The following SFI1 variants were observed in gnomAD, a reference collection of about 807,000 sequenced individuals.
SFI1 encodes the protein SFI1 centrin binding protein.
Under a neutral mutation model 207.5 loss-of-function variants are expected in SFI1, and 195 were observed. The observed-to-expected ratio is 0.94, with a 90% CI of 0.84 to 1.06. The LOEUF is 1.06. Ranked by LOEUF, SFI1 falls within the 50% of genes least tolerant of loss-of-function variation. The pLI is 0.00. For missense variants in SFI1, 1,634 were observed against 1,588.0 expected, an observed-to-expected ratio of 1.03 and a Z score of -0.49; for synonymous variants, 630 against 598.9, an observed-to-expected ratio of 1.05 and a Z score of -0.76.
At chr22:31,608,451 C>T (rs1356523709) in intron 22 of SFI1, among the ~76,000 whole-genome samples, 2 of 152,084 alleles carry the variant, frequency 1.3e-5, no homozygotes, top group African/African-American at 4.8e-5. Context: ...GAGTGTGACA[C>T]CATCCTAACC....
rs192852495 is a variant in SFI1, at chr22:31,526,874, C to T, written c.93-1816C>T. On this transcript the variant is annotated intron_variant, in intron 2 of 32. Coordinates refer to ENST00000400288, the MANE Select transcript of SFI1 (RefSeq NM_001007467.3). Reference sequence around the variant, plus strand: ...TACCGTGCCTGGCCATCAATACCTACGTTGGAACTATCAGGGAATTTTATT... The same window carrying T: ...TACCGTGCCTGGCCATCAATACCTATGTTGGAACTATCAGGGAATTTTATT... Among the ~76,000 whole-genome samples the T allele has an allele frequency of 1.1e-3, 173 of 151,378 alleles. 1 individual carries two copies. Among genetic ancestry groups the T allele is most frequent in the Non-Finnish European group, 1.9e-3 (132 of 67,810 alleles).
Position 31,602,233 on chromosome 22 carries a change from A to G in SFI1, c.1566A>G (p.Val522=), listed in dbSNP as rs370152347. The change falls in exon 16 of 33, where the codon GTA becomes GTG. Residue 522 remains valine, a synonymous_variant. Transcript: ENST00000400288. The part of the protein sequence containing the change: ...RFHRETLEKQ[V]FSLWRQKMFQ... ...TTAGGGAGACATTAGAGAAGCAAGT[A>G]TTTTCTCTCTGGAGGCAGAAGATGT... 23 of 1,614,030 alleles carry G rather than the reference A, an allele frequency of 1.4e-5. No individual in the cohort carries two copies. Among genetic ancestry groups the G allele is most frequent in the Non-Finnish European group, 1.9e-5 (23 of 1,179,904 alleles).
chr22:31,501,211 G>T (rs1483544683), intron 1 of SFI1, among the ~76,000 whole-genome samples: 3 of 147,796 alleles, frequency 2.0e-5, no homozygotes, highest in Admixed American at 6.8e-5. Flanking sequence ...TAGCTCTGTT[G>T]CCCAGGCTGG....
chr22:31,496,213 G>C (rs1463965385), upstream of SFI1: 2 of 152,274 alleles, frequency 1.3e-5, no homozygotes, highest in African/African-American at 2.4e-5. Context: ...TCGGCCGCGG[G>C]CGGCGTAACT....
chr22:31,580,542 C>CTTTT (rs11347645), intron 12 of SFI1, among the ~76,000 whole-genome samples, 178 bp downstream of exon 12: 71 of 117,208 alleles, frequency 6.1e-4, no homozygotes, highest in East Asian at 1.3e-3. Context: ...CTTTTCTTTT[C>CTTTT]TTTTTTTTTT....
At chr22:31,568,057 G>A (rs7293134) in intron 8 of SFI1, among the ~76,000 whole-genome samples, 8,426 of 151,474 alleles carry the variant, frequency 0.056, 323 homozygotes, top group South Asian at 0.11. Context: ...GTGTTGTTAG[G>A]AATAAAGATC....
Position 31,556,282 on chromosome 22 carries a change from G to A in SFI1, c.545-660G>A, listed in dbSNP as rs1380738318. 8.6e-5 allele frequency among the ~76,000 whole-genome samples: 13 copies of A among 151,080 alleles called. No individual in the cohort carries two copies. In the East Asian group the frequency reaches 2.1e-3, roughly 25 times the overall value. On this transcript the variant is annotated intron_variant, in intron 6 of 32. Transcript: ENST00000400288. ...CTGTCGCCCAGGCTAGAGTGCAATG[G>A]CGTGATCTCAGCTCACTGCAACCTC...
At chr22:31,556,776 T>G (rs991330081) in intron 6 of SFI1, among the ~76,000 whole-genome samples, 166 bp from the exon 7 acceptor site, 1 of 152,254 alleles carries the variant, frequency 6.6e-6, no homozygotes, top group African/African-American at 2.4e-5. Flanking sequence ...CTTCATGTGT[T>G]CTTGCACTCT....
In SFI1 at chr22:31,585,235, C is replaced by T. The variant is rs950905709; in HGVS notation, c.1413+101C>T. 28 of 1,006,016 alleles carry T rather than the reference C, an allele frequency of 2.8e-5. No individual in the cohort carries two copies. In the East Asian group the frequency reaches 5.0e-4, roughly 18 times the overall value. The allele number at this position is 1,006,016 out of a possible 1,614,324, so 62.3% of individuals were successfully genotyped here. Reference sequence around the variant, plus strand: ...AAAGACCTATGCCAAGAAGTCTTATCGTTCTGCTTTGGAAGAGAGGGTGTT... The same window carrying T: ...AAAGACCTATGCCAAGAAGTCTTATTGTTCTGCTTTGGAAGAGAGGGTGTT... On this transcript the variant is annotated intron_variant, in intron 14 of 32. Coordinates refer to ENST00000400288, the MANE Select transcript of SFI1 (RefSeq NM_001007467.3).
chr22:31,612,052 C>G, intron 24 of SFI1: 1 of 1,359,116 alleles, frequency 7.4e-7, no homozygotes, highest in Non-Finnish European at 9.5e-7. Context: ...ACTTCAAGGC[C>G]AGTTTCTCTC....
At chr22:31,571,078 G>C (rs1159149520) in intron 8 of SFI1, among the ~76,000 whole-genome samples, 1 of 152,206 alleles carries the variant, frequency 6.6e-6, no homozygotes, top group Non-Finnish European at 1.5e-5. Context: ...CTCTTTTGAG[G>C]AGCTTGAAAC....
At chr22:31,576,940 C>T (rs2063587180) in intron 10 of SFI1, among the ~76,000 whole-genome samples, 1 of 152,194 alleles carries the variant, frequency 6.6e-6, no homozygotes, top group African/African-American at 2.4e-5. Flanking sequence ...CCACCGCACC[C>T]AGCCATATTC....
chr22:31,502,839 C>T (rs1420761627), intron 1 of SFI1, among the ~76,000 whole-genome samples: 1 of 151,824 alleles, frequency 6.6e-6, no homozygotes, highest in Non-Finnish European at 1.5e-5. Context: ...TATGGCCGAG[C>T]GTGGTGGGTC....
At chr22:31,510,041 G>T (rs372133147) in intron 2 of SFI1, among the ~76,000 whole-genome samples, 1 of 151,782 alleles carries the variant, frequency 6.6e-6, no homozygotes, top group Non-Finnish European at 1.5e-5. Context: ...CATCATGTTG[G>T]CCAGGCTGGT....
At chr22:31,498,410 TAAG>T (rs1463774774) in intron 1 of SFI1, among the ~76,000 whole-genome samples, 3 of 152,204 alleles carry the variant, frequency 2.0e-5, no homozygotes, top group Admixed American at 1.3e-4. Context: ...TAGGTGCCAT[TAAG>T]AACATTCATG....
At chr22:31,604,560 A>G (rs2068652330) in intron 19 of SFI1, 156 bp downstream of exon 19, 6 of 661,524 alleles carry the variant, frequency 9.1e-6, no homozygotes, top group Non-Finnish European at 7.5e-6. Context: ...GCCTTAGGCC[A>G]TAGGGTTCTT....
rs2063742889 is a variant in SFI1, at chr22:31,578,400, A to G, written c.1103A>G (p.Glu368Gly). 1.2e-6 allele frequency: 2 copies of G among 1,613,660 alleles called. No homozygotes were observed. Among genetic ancestry groups the G allele is most frequent in the Non-Finnish European group, 1.7e-6 (2 of 1,179,786 alleles). The stretch of plus-strand genomic sequence containing the variant: ...CTGGCAGACATGCTGCTGTGTGCAG[A>G]AGAAGCTGCCCAGTTTGAGATGGCA... ...HWKHYMLLCA[E>G]EAAQFEMAEE... The change falls in exon 11 of 33, where the codon GAA (glutamate) becomes GGA (glycine). Residue 368 changes from glutamate to glycine, a missense_variant. Coordinates refer to ENST00000400288, the MANE Select transcript of SFI1 (RefSeq NM_001007467.3).
Position 31,611,297 on chromosome 22 carries a change from G to A in SFI1, c.2409G>A (p.Arg803=), listed in dbSNP as rs1271610256. The change falls in exon 23 of 33, where the codon AGG becomes AGA. Residue 803 remains arginine (R), a synonymous_variant. Transcript: ENST00000400288. Reference sequence around the variant, plus strand: ...AGACGCACCATCTGCAGTGTGTCAGGAAGAGGGTGAGGCTGACGGTGGCAA... The same window carrying A: ...AGACGCACCATCTGCAGTGTGTCAGAAAGAGGGTGAGGCTGACGGTGGCAA... ...RWKTHHLQCV[R]KRLLHRQSTQ... 1.2e-6 allele frequency: 2 copies of A among 1,600,300 alleles called. No individual in the cohort carries two copies. The highest frequency in any genetic ancestry group is 1.3e-5 in the African/African-American group (1 of 74,750).
chr22:31,614,168 G>A lies in SFI1; in HGVS notation c.2996+313G>A, dbSNP rs1418892171. The A allele has an allele frequency of 1.8e-5, 7 of 398,138 alleles. No individual in the cohort carries two copies. In the East Asian group the frequency reaches 2.0e-4, roughly 12 times the overall value. 24.7% of individuals were successfully genotyped at this position (398,138 alleles called of 1,614,324 possible). A position where few individuals can be genotyped will look rare whatever the true frequency, so the allele number is the denominator to read the frequency against. On this transcript the variant is annotated intron_variant, in intron 27 of 32. Coordinates refer to ENST00000400288, the MANE Select transcript of SFI1 (RefSeq NM_001007467.3). ...CACGATCTTTTCCGGAGTCATACAC[G>A]TAGTTGACAAAGGGAACAAGCTCAG...
Sources: allele counts gnomAD v4.1 joint callset (sites outside exome capture counted in the v4.1 genomes callset), GRCh38; gene constraint gnomAD v4.1.1; transcripts MANE v1.5; gene names NCBI Gene and HGNC (gene_info 2026-07-23, HGNC 2026-07-21).